The following CCNB2 variants were observed in gnomAD, a reference collection of about 807,000 sequenced individuals.
The protein encoded by CCNB2 is cyclin B2.
A neutral mutation model predicts 51.1 loss-of-function variants in CCNB2; 39 were observed. The ratio of observed to expected loss-of-function variants is 0.76; its 90% CI spans 0.59 to 1.00. The LOEUF is 1.00. Ranked by LOEUF, CCNB2 falls within the 50% of genes least tolerant of loss-of-function variation. The probability of loss-of-function intolerance (pLI) is 0.00; values close to 1 mark genes in which losing one functional copy is unlikely to be tolerated. For synonymous variants in CCNB2, 174 were observed against 165.5 expected (o/e 1.05, Z -0.40); for missense variants, 472 against 470.3 (o/e 1.00, Z -0.03).
At chr15:59,112,986 G>A (rs2079264086) in intron 3 of CCNB2, among the ~76,000 whole-genome samples, 2 of 151,614 alleles carry the variant, frequency 1.3e-5, no homozygotes, top group Admixed American at 6.6e-5. Flanking sequence ...GTGAGCCAAG[G>A]TCGTGCCACT....
Position 59,114,595 on chromosome 15 carries a change from A to G in CCNB2, c.419A>G (p.Gln140Arg), listed in dbSNP as rs775841822. 1 of 1,597,784 alleles carries G rather than the reference A, an allele frequency of 6.3e-7. No homozygotes were observed. The highest frequency in any genetic ancestry group is 2.2e-5 in the East Asian group (1 of 44,586). The change falls in exon 4 of 9, where the codon CAG becomes CGG. Residue 140 changes from glutamine (Q) to arginine (R), a missense_variant. Transcript: ENST00000288207. ...AGTGACTACGTTAAGGATATCTATCAGTATCTCAGGCAGCTGGAGGTAGGT... is the reference window on the plus strand; with the variant it reads ...AGTGACTACGTTAAGGATATCTATCGGTATCTCAGGCAGCTGGAGGTAGGT... ...LCSDYVKDIY[Q>R]YLRQLEVLQS...
rs2079271076 is a variant in CCNB2 at position 59,114,631 on chromosome 15, G to A, written c.438+17G>A. 1.3e-6 allele frequency: 2 copies of A among 1,586,236 alleles called. No individual in the cohort carries two copies. Among genetic ancestry groups the A allele is most frequent in the African/African-American group, 1.4e-5 (1 of 74,068 alleles). ...CAGCTGGAGGTAGGTGGGCCTTTGT[G>A]TTTTGGTTGTATAAGCAATGTGGAA... On this transcript the variant is annotated intron_variant, in intron 4 of 8. Transcript: ENST00000288207.
chr15:59,107,437 C>CTACA lies in CCNB2; in HGVS notation c.140_141insTACA (p.Gln48ThrfsTer5). The CTACA allele has an allele frequency of 6.2e-7, 1 of 1,613,906 alleles. No individual in the cohort carries two copies. Among genetic ancestry groups the CTACA allele is most frequent in the Non-Finnish European group, 8.5e-7 (1 of 1,179,988 alleles). On this transcript the variant is annotated frameshift_variant, in exon 2 of 9. Transcript: ENST00000288207. LOFTEE classifies it high-confidence loss of function. The stretch of plus-strand genomic sequence containing the variant: ...GGAAATAGAGTTACAACCAGAGCAG[C>CTACA]ACAAGTAGCTAAGGTAACAATGATG...
At chr15:59,116,428 T>C (rs1427422767) in intron 5 of CCNB2, among the ~76,000 whole-genome samples, 1 of 147,334 alleles carries the variant, frequency 6.8e-6, no homozygotes, top group East Asian at 2.0e-4. Context: ...CTATTTGTAA[T>C]TGAGGAATAA....
At chr15:59,113,411 G>C (rs2079265917) in intron 3 of CCNB2, among the ~76,000 whole-genome samples, 1 of 152,166 alleles carries the variant, frequency 6.6e-6, no homozygotes, top group Non-Finnish European at 1.5e-5. Context: ...GGATTATATA[G>C]ATGTTTGAGG....
chr15:59,115,727 CTTTATTT>C (rs1238974342), intron 5 of CCNB2: 1 of 152,010 alleles, frequency 6.6e-6, no homozygotes, highest in Non-Finnish European at 1.5e-5. Context: ...AGGTAGGTTT[CTTTATTT>C]TTTATTTTTT....
In CCNB2 at chr15:59,116,998, A is replaced by C; in HGVS notation, c.834+72A>C. On this transcript the variant is annotated intron_variant, in intron 6 of 8. Coordinates refer to ENST00000288207, the MANE Select transcript of CCNB2 (RefSeq NM_004701.4). ...ATCCCAGAAACCTTGACCTAATTTA[A>C]GGAAAGCTTATTTATAGGACGCTTC... 2.3e-6 allele frequency: 3 copies of C among 1,296,486 alleles called. No homozygotes were observed. The Admixed American group carries it at 6.0e-5, about 26-fold the overall frequency. The allele number at this position is 1,296,486 out of a possible 1,614,324, so 80.3% of individuals were successfully genotyped here.
At chr15:59,115,205 T>G (rs902267172) in intron 5 of CCNB2, among the ~76,000 whole-genome samples, 1 of 152,160 alleles carries the variant, frequency 6.6e-6, no homozygotes. Flanking sequence ...GGATGCTGGT[T>G]TTCTGGGCCT....
In CCNB2 at chr15:59,105,218, G is replaced by A; in HGVS notation, c.-51G>A. ...CGTACGCTAGTGTCCTCCCTTTTCAGTCCGCGTCCCTCCCTGGGCCGGGCT... is the reference window on the plus strand; with the variant it reads ...CGTACGCTAGTGTCCTCCCTTTTCAATCCGCGTCCCTCCCTGGGCCGGGCT... On this transcript the variant is annotated 5_prime_UTR_variant, in exon 1 of 9. Transcript: ENST00000288207. 6.5e-7 allele frequency: 1 copy of A among 1,542,486 alleles called. No homozygotes were observed. The highest frequency in any genetic ancestry group is 8.8e-7 in the Non-Finnish European group (1 of 1,141,664).
chr15:59,118,851 C>T (rs1201118474), intron 7 of CCNB2, among the ~76,000 whole-genome samples: 1 of 152,188 alleles, frequency 6.6e-6, no homozygotes, highest in African/African-American at 2.4e-5. Context: ...TGGTTCAGGC[C>T]TTGGCCTGTG....
Position 59,124,961 on chromosome 15 carries a change from T to A in CCNB2, c.*84T>A. The A allele has an allele frequency of 1.4e-6, 1 of 734,310 alleles. No individual in the cohort carries two copies. The highest frequency in any genetic ancestry group is 2.2e-6 in the Non-Finnish European group (1 of 464,242). The allele number at this position is 734,310 out of a possible 1,614,324, so 45.5% of individuals were successfully genotyped here. A position where few individuals can be genotyped will look rare whatever the true frequency, so the allele number is the denominator to read the frequency against. On this transcript the variant is annotated 3_prime_UTR_variant, in exon 9 of 9. Transcript: ENST00000288207. ...ACTCTTGATTTTGTACATAGTCCTC[T>A]GGTCTATCTCATGAAACCTCTTCTC...
chr15:59,109,915 G>T (rs2140286177), intron 3 of CCNB2, among the ~76,000 whole-genome samples: 1 of 152,188 alleles, frequency 6.6e-6, no homozygotes, highest in East Asian at 1.9e-4. Context: ...GAACCCTGGG[G>T]GCCGGAGCCT....
In CCNB2 at chr15:59,123,298, G is replaced by C. The variant is rs1416963960; in HGVS notation, c.976-219G>C. 2.0e-5 allele frequency among the ~76,000 whole-genome samples: 3 copies of C among 152,170 alleles called. No homozygotes were observed. In the East Asian group the frequency reaches 5.8e-4, roughly 29 times the overall value. Reference sequence around the variant, plus strand: ...GGACCTTTGGCACTTGATTTAGTCTGGTCTCAGGGCCAGAATCATCTTGCA... The same window carrying C: ...GGACCTTTGGCACTTGATTTAGTCTCGTCTCAGGGCCAGAATCATCTTGCA... On this transcript the variant is annotated intron_variant, in intron 7 of 8. Transcript: ENST00000288207.
chr15:59,121,856 C>T lies in CCNB2; in HGVS notation c.976-1661C>T, dbSNP rs138665027. Among the ~76,000 whole-genome samples, 256 of 143,830 alleles carry T rather than the reference C, an allele frequency of 1.8e-3. 1 individual carries two copies. Among genetic ancestry groups the T allele is most frequent in the African/African-American group, 6.5e-3 (249 of 38,518 alleles). 94.4% of individuals were successfully genotyped at this position (143,830 alleles called of 152,430 possible). On this transcript the variant is annotated intron_variant, in intron 7 of 8. Coordinates refer to ENST00000288207, the MANE Select transcript of CCNB2 (RefSeq NM_004701.4). Reference sequence around the variant, plus strand: ...CTGAGACACGAGAATTGCCTAAACCCGGAAGGTAGACGTTGCAGTGAGCAG... The same window carrying T: ...CTGAGACACGAGAATTGCCTAAACCTGGAAGGTAGACGTTGCAGTGAGCAG...
At chr15:59,124,043 G>C in intron 8 of CCNB2, 1 of 165,550 alleles carries the variant, frequency 6.0e-6, no homozygotes, top group East Asian at 1.7e-4. Context: ...GTTACTCAGA[G>C]CCTTTGTCCA....
In CCNB2 at chr15:59,122,665, T is replaced by C. The variant is rs189728303; in HGVS notation, c.976-852T>C. Among the ~76,000 whole-genome samples the C allele has an allele frequency of 5.3e-5, 8 of 151,850 alleles. No individual in the cohort carries two copies. In the East Asian group the frequency reaches 1.5e-3, roughly 29 times the overall value. ...AATCCTTCCTCCTCAGCTCCTCAAGTAACTGGGACTATAGGTGTACACCAC... is the reference window on the plus strand; with the variant it reads ...AATCCTTCCTCCTCAGCTCCTCAAGCAACTGGGACTATAGGTGTACACCAC... On this transcript the variant is annotated intron_variant, in intron 7 of 8. Transcript: ENST00000288207.
At chr15:59,106,756 A>T (rs773704848) in intron 1 of CCNB2, among the ~76,000 whole-genome samples, 5 of 152,192 alleles carry the variant, frequency 3.3e-5, no homozygotes, top group Non-Finnish European at 7.3e-5. Flanking sequence ...TGGCAACCTC[A>T]TTTTAAAAAG....
chr15:59,117,599 G>T (rs1283334344), intron 7 of CCNB2, among the ~76,000 whole-genome samples: 6 of 152,116 alleles, frequency 3.9e-5, no homozygotes, highest in African/African-American at 1.4e-4. Context: ...CTCCCGAGTA[G>T]CAGGGACTAC....
intron 8 of CCNB2, 108 bp downstream of exon 8, chr15:59,123,735 CAT>C (rs3830310): frequency 0.25 from 158,144 of 638,464 alleles, 21,828 homozygotes; most frequent in East Asian, 0.39. Flanking sequence ...ATATTAATAA[CAT>C]GTGGGAGTTT....
Sources: gnomAD v4.1 joint callset for allele counts (sites outside exome capture counted in the v4.1 genomes callset) on GRCh38, gnomAD v4.1.1 for gene constraint, MANE v1.5 for transcripts, NCBI Gene and HGNC (gene_info 2026-07-23, HGNC 2026-07-21) for gene names.